The following SZT2 variants were observed in gnomAD, a reference collection of about 807,000 sequenced individuals.
SZT2 encodes KICSTOR complex protein SZT2.
A neutral mutation model predicts 404.2 loss-of-function variants in SZT2; 216 were observed. The observed-to-expected ratio is 0.53, with a 90% CI of 0.48 to 0.60. SZT2 has a LOEUF of 0.60. Among genes scored for constraint, SZT2 ranks in the 20% least tolerant of loss-of-function variants. The pLI is 0.00. For synonymous variants in SZT2, 1,693 were observed against 1,749.9 expected, an observed-to-expected ratio of 0.97 and a Z score of 0.81; for missense variants, 3,857 against 4,459.2, an observed-to-expected ratio of 0.86 and a Z score of 3.85.
In SZT2 at chr1:43,442,766, G is replaced by C. The variant is rs1655208677; in HGVS notation, c.8152-53G>C. On this transcript the variant is annotated intron_variant, in intron 58 of 71. Transcript: ENST00000634258. The surrounding 1 kb of genome is among the most constrained non-coding windows in gnomAD (Gnocchi z 4.5). ...TGAGAGAGGAAGCCCTGGGATGAGA[G>C]AGAGGGTCCGAGGGCAAAGGCTATG... The C allele has an allele frequency of 6.5e-7, 1 of 1,544,676 alleles. No individual in the cohort carries two copies. The highest frequency in any genetic ancestry group is 2.3e-5 in the East Asian group (1 of 44,300).
Position 43,438,718 on chromosome 1 carries a change from G to A in SZT2, c.6528G>A (p.Glu2176=). The part of the protein sequence containing the change: ...VGQAGPEITD[E]LVRVLCRRLD... Reference sequence around the variant, plus strand: ...GTCAAGGTCCTGAGATCACGGATGAGCTCGTGCGAGTTCTATGTCGGCGCC... The same window carrying A: ...GTCAAGGTCCTGAGATCACGGATGAACTCGTGCGAGTTCTATGTCGGCGCC... Residue 2176 remains glutamate (E), a synonymous_variant, in exon 47 of 72, where the codon GAG becomes GAA. Coordinates refer to ENST00000634258, the MANE Select transcript of SZT2 (RefSeq NM_001365999.1). The A allele has an allele frequency of 6.2e-7, 1 of 1,614,120 alleles. No homozygotes were observed. The highest frequency in any genetic ancestry group is 8.5e-7 in the Non-Finnish European group (1 of 1,179,984).
At position 43,423,247 on chromosome 1, in the gene SZT2, C is replaced by A; in HGVS notation, c.2186C>A (p.Pro729Gln). The change falls in exon 15 of 72, where the codon CCA becomes CAA. Residue 729 changes from proline (P) to glutamine (Q), a missense_variant. Physicochemically the swap from Pro to Gln is moderately conservative, Grantham distance 76. Coordinates refer to ENST00000634258, the MANE Select transcript of SZT2 (RefSeq NM_001365999.1). ...TCCAAGTCACCCCCCGTGCTGGGGC[C>A]ACAGCAGGCCCTGTCTGACCGGCCC... ...SPSKSPPVLG[P>Q]QQALSDRPCL... 1 of 1,587,412 alleles carries A rather than the reference C, an allele frequency of 6.3e-7. No individual in the cohort carries two copies. The highest frequency in any genetic ancestry group is 8.5e-7 in the Non-Finnish European group (1 of 1,174,154).
chr1:43,414,281 A>G (rs929469335), intron 4 of SZT2, among the ~76,000 whole-genome samples: 2 of 152,108 alleles, frequency 1.3e-5, no homozygotes, highest in East Asian at 1.9e-4. Flanking sequence ...CTGTCTCAAA[A>G]AAACAAACAA....
chr1:43,409,365 AG>A (rs1650728031), intron 4 of SZT2: 4 of 264,684 alleles, frequency 1.5e-5, no homozygotes, highest in Non-Finnish European at 3.1e-5. Context: ...AGCATTCATT[AG>A]GGGGATAAGG....
rs1656448041 is a variant in SZT2 at position 43,451,696 on chromosome 1, T to C, written c.*1216T>C. On this transcript the variant is annotated 3_prime_UTR_variant, in exon 72 of 72. Coordinates refer to ENST00000634258, the MANE Select transcript of SZT2 (RefSeq NM_001365999.1). The stretch of plus-strand genomic sequence containing the variant: ...ATGTTTCCTGTCAGGTTCCCATCCA[T>C]GATCTGCCAGTGGAATATGTCCTAG... 1 of 1,614,040 alleles carries C rather than the reference T, an allele frequency of 6.2e-7. No homozygotes were observed.
intron 70 of SZT2, chr1:43,449,695 T>A: frequency 3.6e-6 from 1 of 274,366 alleles, no homozygotes; most frequent in South Asian, 4.5e-5. Context: ...GGAGAGCAAA[T>A]CATCCCGGGA....
chr1:43,432,937 A>T, intron 39 of SZT2, 52 bp from the exon 40 acceptor site: 5 of 1,604,882 alleles, frequency 3.1e-6, no homozygotes, highest in Non-Finnish European at 4.3e-6. Context: ...GGAGGATCAG[A>T]TGAGTCAGGC....
intron 65 of SZT2, 187 bp from the exon 66 acceptor site, chr1:43,446,768 A>T (rs879942209): frequency 7.6e-6 from 5 of 654,446 alleles, no homozygotes; most frequent in Admixed American, 5.5e-5. Context: ...GATAGTTACA[A>T]TACAGTATGA....
chr1:43,400,186 C>T (rs550556347), intron 1 of SZT2, among the ~76,000 whole-genome samples: 8 of 150,070 alleles, frequency 5.3e-5, no homozygotes, highest in Non-Finnish European at 8.9e-5. Flanking sequence ...GTTATTTGCC[C>T]GCTTTGGCCT....
rs753066063 is a variant in SZT2, at chr1:43,451,217, A to G, written c.*737A>G. ...GGGATGTCACTCGCTGTCTGGAGGCACGTGGGTGGTGTGCGGGCCCTCACT... is the reference window on the plus strand; with the variant it reads ...GGGATGTCACTCGCTGTCTGGAGGCGCGTGGGTGGTGTGCGGGCCCTCACT... On this transcript the variant is annotated 3_prime_UTR_variant, in exon 72 of 72. Coordinates refer to ENST00000634258, the MANE Select transcript of SZT2 (RefSeq NM_001365999.1). 9.3e-6 allele frequency: 15 copies of G among 1,611,934 alleles called. No homozygotes were observed. The African/African-American group carries it at 2.0e-4, about 22-fold the overall frequency.
Position 43,448,193 on chromosome 1 carries a change from G to A in SZT2, c.9678G>A (p.Gly3226=), listed in dbSNP as rs1219829318. The change falls in exon 69 of 72, where the codon GGG becomes GGA. Residue 3226 remains glycine (G), a synonymous_variant. Transcript: ENST00000634258. The surrounding 1 kb of genome is among the most constrained non-coding windows in gnomAD (Gnocchi z 4.2). ...TGCCCCCTGAGCCAGAGGCTCCTGG[G>A]AGTTCAGCTGGCAGCCCTGGGGAGG... ...PRLPPEPEAP[G]SSAGSPGEAS... 6.2e-7 allele frequency: 1 copy of A among 1,611,522 alleles called. No homozygotes were observed. The highest frequency in any genetic ancestry group is 2.2e-5 in the East Asian group (1 of 44,756).
In SZT2 at chr1:43,450,768, T is replaced by TAG. The variant is rs1656297844; in HGVS notation, c.*291_*292dup. 2 of 700,570 alleles carry TAG rather than the reference T, an allele frequency of 2.9e-6. No individual in the cohort carries two copies. Among genetic ancestry groups the TAG allele is most frequent in the African/African-American group, 3.5e-5 (2 of 57,826 alleles). The allele number at this position is 700,570 out of a possible 1,614,324, so 43.4% of individuals were successfully genotyped here. A position where few individuals can be genotyped will look rare whatever the true frequency, so the allele number is the denominator to read the frequency against. On this transcript the variant is annotated 3_prime_UTR_variant, in exon 72 of 72. Coordinates refer to ENST00000634258, the MANE Select transcript of SZT2 (RefSeq NM_001365999.1). This position sits in a 1 kb window ranked among gnomAD's most constrained non-coding sequence, Gnocchi z 4.3. ...GGGGTACTCCTTTCGGCCCCCCTGG[T>TAG]AGAGTCTCGGGAGTTCACACAGGGT...
intron 1 of SZT2, among the ~76,000 whole-genome samples, chr1:43,395,088 G>A (rs574866607): frequency 6.6e-6 from 1 of 152,240 alleles, no homozygotes; most frequent in Admixed American, 6.5e-5. Flanking sequence ...TTCAAGGAAA[G>A]GTGGGAAAAA....
chr1:43,446,407 C>T lies in SZT2; in HGVS notation c.9063C>T (p.Val3021=), dbSNP rs748569279. ...CCCGAATCCCAATGGGGCAGGCTGT[C>T]AACTCACAGGTATGTGAATGAGCTG... ...ECSRIPMGQA[V]NSQLSMLFTE... is the part of the protein sequence containing the mutation. Residue 3021 remains valine, a synonymous_variant, in exon 65 of 72, where the codon GTC becomes GTT. Transcript: ENST00000634258. The T allele has an allele frequency of 1.2e-6, 2 of 1,614,158 alleles. No individual in the cohort carries two copies. The highest frequency in any genetic ancestry group is 1.1e-5 in the South Asian group (1 of 91,090).
chr1:43,423,423 G>A (rs1346481001), intron 15 of SZT2, 107 bp downstream of exon 15: 9 of 1,128,852 alleles, frequency 8.0e-6, no homozygotes, highest in African/African-American at 3.2e-5. Flanking sequence ...TGTGGAGTGC[G>A]TGGCTTAGTG....
rs138023573 is a variant in SZT2, at chr1:43,403,263, T to C, written c.114T>C (p.His38=). 6.2e-7 allele frequency: 1 copy of C among 1,613,886 alleles called. No individual in the cohort carries two copies. Among genetic ancestry groups the C allele is most frequent in the African/African-American group, 1.3e-5 (1 of 74,920 alleles). The change falls in exon 2 of 72, where the codon CAT becomes CAC. Residue 38 remains histidine (H), a synonymous_variant. Coordinates refer to ENST00000634258, the MANE Select transcript of SZT2 (RefSeq NM_001365999.1). The part of the protein sequence containing the change: ...RNVRLAWFLS[H]LHQTVQATPQ... ...TTCGCCTGGCTTGGTTCCTCAGTCATCTGCACCAAACTGTGCAGGCCACAC... is the reference window on the plus strand; with the variant it reads ...TTCGCCTGGCTTGGTTCCTCAGTCACCTGCACCAAACTGTGCAGGCCACAC...
Position 43,423,840 on chromosome 1 carries a change from G to A in SZT2, c.2256-377G>A, listed in dbSNP as rs1305533567. On this transcript the variant is annotated intron_variant, in intron 15 of 71. Transcript: ENST00000634258. ...GAGGTATGGAAGGGCGTGGCTTAGC[G>A]AGGTATGAGTAGGTCAGAGGTGTGG... Among the ~76,000 whole-genome samples, 8 of 140,942 alleles carry A rather than the reference G, an allele frequency of 5.7e-5. No individual in the cohort carries two copies. The South Asian group carries it at 1.7e-3, about 29-fold the overall frequency. The allele number at this position is 140,942 out of a possible 152,430, so 92.5% of individuals were successfully genotyped here.
rs1376624201 is a variant in SZT2, at chr1:43,431,897, A to G, written c.5270A>G (p.Lys1757Arg). The G allele has an allele frequency of 5.0e-6, 8 of 1,613,944 alleles. No individual in the cohort carries two copies. Among genetic ancestry groups the G allele is most frequent in the African/African-American group, 4.0e-5 (3 of 74,904 alleles). ...FGPERSLTQF[K>R]EEFRRLHLPG... ...CCAGAGCGTTCCCTCACACAATTCA[A>G]GGAGGTAAGTTGCCCTCCAAACACT... The change falls in exon 36 of 72, where the codon AAG (lysine) becomes AGG (arginine). Residue 1757 changes from lysine (K) to arginine (R), a missense_variant. Physicochemically the swap from Lys to Arg is conservative, Grantham distance 26 (BLOSUM62 2). Around this residue, in one of 7 missense-constraint regions of SZT2, gnomAD observed 1,725 missense variants for 1,881.0 expected, o/e 0.92. Transcript: ENST00000634258.
intron 62 of SZT2, 156 bp from the exon 63 acceptor site, chr1:43,445,738 G>T: frequency 1.4e-6 from 1 of 737,354 alleles, no homozygotes; most frequent in South Asian, 1.6e-5. Flanking sequence ...TCTAGACCTG[G>T]ACTCCAAGCC....
Sources: allele counts gnomAD v4.1 joint callset (sites outside exome capture counted in the v4.1 genomes callset), GRCh38; gene constraint gnomAD v4.1.1; regional missense constraint gnomAD v4.1.1; non-coding constraint Gnocchi (gnomAD v3.1); transcripts MANE v1.5; gene names NCBI Gene and HGNC (gene_info 2026-07-23, HGNC 2026-07-21).